The following CD9 variants were observed in gnomAD, a reference collection of about 807,000 sequenced individuals.
CD9 encodes the protein CD9 antigen.
In CD9, 10 loss-of-function variants were observed where a neutral mutation model predicts 31.4. The observed-to-expected ratio is 0.32, with a 90% CI of 0.20 to 0.54. The LOEUF is 0.54. CD9 is among the 20% of genes least tolerant of loss of function. CD9 has a pLI of 0.94. For synonymous variants in CD9, 113 were observed against 114.1 expected, an observed-to-expected ratio of 0.99 and a Z score of 0.06; for missense variants, 259 against 300.1, an observed-to-expected ratio of 0.86 and a Z score of 1.01.
chr12:6,235,744 A>C, intron 6 of CD9, 179 bp downstream of exon 6: 1 of 1,414,720 alleles, frequency 7.1e-7, no homozygotes, highest in South Asian at 1.6e-5. Flanking sequence ...CAAGGGCAAT[A>C]AAACAAAGGC....
intron 2 of CD9, among the ~76,000 whole-genome samples, chr12:6,230,348 A>G (rs1230543709): frequency 6.6e-6 from 1 of 152,242 alleles, no homozygotes; most frequent in Non-Finnish European, 1.5e-5. Flanking sequence ...AAGCCCCATT[A>G]GGAGCATGTT....
At chr12:6,217,499 C>G (rs937147970) in intron 1 of CD9, among the ~76,000 whole-genome samples, 12 of 152,168 alleles carry the variant, frequency 7.9e-5, no homozygotes, top group African/African-American at 2.4e-4. Flanking sequence ...CCACTGTACT[C>G]CAGCCTGGGT....
rs771762614 is a variant in CD9 at position 6,235,413 on chromosome 12, A to G, written c.448-63A>G. 12 of 1,613,798 alleles carry G rather than the reference A, an allele frequency of 7.4e-6. No individual in the cohort carries two copies. The African/African-American group carries it at 9.3e-5, about 13-fold the overall frequency. ...GTGCTGACTGCACCAGACCAGTGCA[A>G]ACATTCTAATCGTCTTCTTACAATT... is the stretch of plus-strand genomic sequence containing the variant. On this transcript the variant is annotated intron_variant, in intron 5 of 7. Transcript: ENST00000009180.
intron 1 of CD9, among the ~76,000 whole-genome samples, chr12:6,211,002 A>T (rs528566124): frequency 2.4e-4 from 37 of 151,720 alleles, no homozygotes; most frequent in African/African-American, 8.2e-4. Flanking sequence ...ATGCCTGGCT[A>T]TTTTTTTATA....
At chr12:6,235,384 C>G in intron 5 of CD9, 57 bp downstream of exon 5, 1 of 1,614,134 alleles carries the variant, frequency 6.2e-7, no homozygotes, top group African/African-American at 1.3e-5. Context: ...TGTCTGCACA[C>G]AGGGTGCTGA....
chr12:6,236,253 GCAT>G lies in CD9; in HGVS notation c.601_603del (p.Ile201del). On this transcript the variant is annotated inframe_deletion, in exon 7 of 8. Transcript: ENST00000009180. ...AAATTCCACATCATCGGCGCAGTGG[GCAT>G]CGGCATTGCCGTGGTCATGGTGAGT... 1 of 1,614,198 alleles carries G rather than the reference GCAT, an allele frequency of 6.2e-7. No individual in the cohort carries two copies. The highest frequency in any genetic ancestry group is 8.5e-7 in the Non-Finnish European group (1 of 1,180,020).
chr12:6,235,788 C>T, intron 6 of CD9: 7 of 1,391,600 alleles, frequency 5.0e-6, no homozygotes, highest in Non-Finnish European at 6.5e-6. Context: ...TCTGGCACCG[C>T]CCACTGCTGC....
At chr12:6,200,263 C>T (rs1407162794), upstream of CD9, 140 of 153,580 alleles carry the variant, frequency 9.1e-4, 2 homozygotes, top group East Asian at 0.017. Flanking sequence ...GGGGTGCGGC[C>T]CGGGCGGGGC....
At position 6,233,418 on chromosome 12, in the gene CD9, G is replaced by A. The variant is rs771034959; in HGVS notation, c.280G>A (p.Gly94Ser). The change falls in exon 4 of 8, where the codon GGC becomes AGC. Residue 94 changes from glycine (G) to serine (S), a missense_variant. Gly to Ser is a moderately conservative substitution (Grantham distance 56). Transcript: ENST00000009180. ...TCCCCTCGTTGCCTTCCAGTTCTTC[G>A]GCTTCCTCTTGGTGATATTCGCCAT... is the stretch of plus-strand genomic sequence containing the variant. ...ESQCMLGLFF[G>S]FLLVIFAIEI... 9 of 1,613,712 alleles carry A rather than the reference G, an allele frequency of 5.6e-6. No homozygotes were observed. The highest frequency in any genetic ancestry group is 2.2e-5 in the South Asian group (2 of 91,076).
upstream of CD9, chr12:6,199,996 G>A (rs1420897105): frequency 6.6e-6 from 1 of 152,222 alleles, no homozygotes; most frequent in African/African-American, 2.4e-5. Flanking sequence ...ACGACCCGGG[G>A]AAGAGTCTCC....
At chr12:6,233,337 G>T (rs181877921) in intron 3 of CD9, 75 bp from the exon 4 acceptor site, 2 of 1,094,684 alleles carry the variant, frequency 1.8e-6, no homozygotes, top group East Asian at 2.3e-5. Flanking sequence ...CTTCTTCCTT[G>T]TCCCAAAATA....
intron 2 of CD9, among the ~76,000 whole-genome samples, chr12:6,231,707 C>T (rs1208073877): frequency 6.6e-6 from 1 of 152,194 alleles, no homozygotes; most frequent in African/African-American, 2.4e-5. Flanking sequence ...CTGCCCTTCT[C>T]TCACCTCCTT....
chr12:6,229,104 T>G (rs1946408149), intron 2 of CD9, among the ~76,000 whole-genome samples: 1 of 152,242 alleles, frequency 6.6e-6, no homozygotes, highest in Non-Finnish European at 1.5e-5. Context: ...GCAAGATCCC[T>G]AATCCCAGGC....
chr12:6,212,742 T>G (rs1946205546), intron 1 of CD9, among the ~76,000 whole-genome samples: 1 of 152,210 alleles, frequency 6.6e-6, no homozygotes, highest in Admixed American at 6.5e-5. Flanking sequence ...GTGGGGTAGG[T>G]ACCATAATCA....
In CD9 at chr12:6,214,439, T is replaced by C. The variant is rs200454639; in HGVS notation, c.67-10987T>C. 6.6e-4 allele frequency among the ~76,000 whole-genome samples: 91 copies of C among 137,820 alleles called. No individual in the cohort carries two copies. In the East Asian group the frequency reaches 0.019, roughly 29 times the overall value. The allele number at this position is 137,820 out of a possible 152,430, so 90.4% of individuals were successfully genotyped here. A position where few individuals can be genotyped will look rare whatever the true frequency, so the allele number is the denominator to read the frequency against. Reference sequence around the variant, plus strand: ...TCAACTCACTGCAGCCTTGACCTCCTGGATTTAAGCCATCCTCCTTCCTCA... The same window carrying C: ...TCAACTCACTGCAGCCTTGACCTCCCGGATTTAAGCCATCCTCCTTCCTCA... On this transcript the variant is annotated intron_variant, in intron 1 of 7. Transcript: ENST00000009180.
At chr12:6,219,826 T>G (rs1022960878) in intron 1 of CD9, among the ~76,000 whole-genome samples, 17 of 152,114 alleles carry the variant, frequency 1.1e-4, no homozygotes, top group African/African-American at 4.1e-4. Context: ...TGAAGATGGA[T>G]CTGGATAAAA....
chr12:6,228,194 CA>C (rs1946393918), intron 2 of CD9, among the ~76,000 whole-genome samples: 1 of 152,196 alleles, frequency 6.6e-6, no homozygotes, highest in Non-Finnish European at 1.5e-5. Flanking sequence ...GTTCTGCCTG[CA>C]GAAGCGCCGG....
intron 2 of CD9, among the ~76,000 whole-genome samples, chr12:6,228,452 T>C (rs1288325082): frequency 6.7e-6 from 1 of 149,568 alleles, no homozygotes; most frequent in Non-Finnish European, 1.5e-5. Context: ...CTCGGGAGGC[T>C]GAGGCACAAG....
chr12:6,219,777 G>A lies in CD9; in HGVS notation c.67-5649G>A, dbSNP rs192334633. Among the ~76,000 whole-genome samples, 11 of 152,318 alleles carry A rather than the reference G, an allele frequency of 7.2e-5. No homozygotes were observed. The East Asian group carries it at 2.1e-3, about 29-fold the overall frequency. On this transcript the variant is annotated intron_variant, in intron 1 of 7. Coordinates refer to ENST00000009180, the MANE Select transcript of CD9 (RefSeq NM_001769.4). ...TGGGATGACAGGCAAGAGCCACTGC[G>A]CCTGGCCTCTTTGTGGTTTCTGACT...
Sources: allele counts gnomAD v4.1 joint callset (sites outside exome capture counted in the v4.1 genomes callset), GRCh38; gene constraint gnomAD v4.1.1; transcripts MANE v1.5; gene names NCBI Gene and HGNC (gene_info 2026-07-23, HGNC 2026-07-21).